MDN1: variants seen among roughly 807,000 people sequenced by gnomAD.
MDN1 encodes the protein midasin AAA ATPase 1.
MDN1 carries 266 observed loss-of-function variants against 669.2 expected under a neutral mutation model. The observed-to-expected ratio is 0.40, with a 90% CI of 0.36 to 0.44. The LOEUF is 0.44. MDN1 is among the 20% of genes least tolerant of loss of function. MDN1 has a pLI of 1.00. For synonymous variants in MDN1, 2,385 were observed against 2,457.1 expected, an observed-to-expected ratio of 0.97 and a Z score of 0.87; for missense variants, 5,940 against 6,754.0, an observed-to-expected ratio of 0.88 and a Z score of 4.22.
rs942837031 is a variant in MDN1 at position 89,706,180 on chromosome 6, T to C, written c.8027A>G (p.Tyr2676Cys). ...SFEFHQDPES[Y>C]HTLPHEIVVN... is the part of the protein sequence containing the mutation. ...CACAATTTCATGGGGCAGAGTGTGA[T>C]AGCTTTCTGGATCTGAGAGTCAACA... Residue 2676 changes from tyrosine to cysteine, a missense_variant, in exon 53 of 102, where the codon TAT becomes TGT. Tyr to Cys is a radical substitution (Grantham distance 194). Transcript: ENST00000369393. The C allele has an allele frequency of 1.1e-5, 17 of 1,611,900 alleles. No homozygotes were observed. Among genetic ancestry groups the C allele is most frequent in the Non-Finnish European group, 1.4e-5 (16 of 1,179,104 alleles).
At chr6:89,650,263 G>T in intron 96 of MDN1, 65 bp from the exon 97 acceptor site, 1 of 1,465,070 alleles carries the variant, frequency 6.8e-7, no homozygotes. Context: ...TTTTATTAAG[G>T]ACAAAAATCA....
intron 2 of MDN1, among the ~76,000 whole-genome samples, chr6:89,803,002 G>C (rs1007126929): frequency 2.0e-5 from 3 of 152,250 alleles, no homozygotes; most frequent in East Asian, 1.9e-4. Context: ...GGTGGATGCT[G>C]TAAGAGCCTC....
At position 89,746,611 on chromosome 6, in the gene MDN1, A is replaced by AAAAGAAAGAAAGAAAG. The variant is rs35724331; in HGVS notation, c.3904+702_3904+717dup. On this transcript the variant is annotated intron_variant, in intron 27 of 101. Coordinates refer to ENST00000369393, the MANE Select transcript of MDN1 (RefSeq NM_014611.3). The stretch of plus-strand genomic sequence containing the variant: ...TCTATCTCAAAAAAAAAAAAAAAAA[A>AAAAGAAAGAAAGAAAG]AAAGAAAGAAAGAAAGAAAGAAAGA... Among the ~76,000 whole-genome samples the AAAAGAAAGAAAGAAAG allele has an allele frequency of 3.8e-3, 154 of 40,530 alleles. 3 individuals are homozygous for AAAAGAAAGAAAGAAAG. The highest frequency in any genetic ancestry group is 0.013 in the African/African-American group (139 of 11,024). 26.6% of individuals were successfully genotyped at this position (40,530 alleles called of 152,430 possible). A position where few individuals can be genotyped will look rare whatever the true frequency, so the allele number is the denominator to read the frequency against.
intron 81 of MDN1, 33 bp downstream of exon 81, chr6:89,672,514 A>C (rs919441153): frequency 1.2e-6 from 2 of 1,601,690 alleles, no homozygotes; most frequent in Non-Finnish European, 1.7e-6. Context: ...TAAATCAGGC[A>C]TGAAACTAAT....
At chr6:89,676,303 A>T in intron 76 of MDN1, 96 bp from the exon 77 acceptor site, 1 of 1,019,132 alleles carries the variant, frequency 9.8e-7, no homozygotes. Flanking sequence ...GCCATAACCA[A>T]GAGTCAGCTG....
chr6:89,755,093 TA>T (rs1168925488), intron 20 of MDN1, among the ~76,000 whole-genome samples: 1 of 152,162 alleles, frequency 6.6e-6, no homozygotes, highest in Non-Finnish European at 1.5e-5. Context: ...AAGGCACTTA[TA>T]AAAGTTTACC....
Position 89,662,135 on chromosome 6 carries a change from AGCTTCT to A in MDN1, c.14511_14516del (p.Glu4838_Ala4839del), listed in dbSNP as rs753627497. 1.2e-6 allele frequency: 2 copies of A among 1,613,902 alleles called. No homozygotes were observed. Among genetic ancestry groups the A allele is most frequent in the Non-Finnish European group, 1.7e-6 (2 of 1,179,984 alleles). ...TGTCTTCACCTTGTCCACCATCATC[AGCTTCT>A]GCTTCTTCCTTTTCTTCCTTCTTAT... is the stretch of plus-strand genomic sequence containing the variant. On this transcript the variant is annotated inframe_deletion, in exon 87 of 102. Transcript: ENST00000369393.
Position 89,654,342 on chromosome 6 carries a change from C to CAA in MDN1, c.15491-10_15491-9dup, listed in dbSNP as rs1412426730. ...GTTCTTTGCTGGCCACATCTGTCAACAAAGCACGCACCCACACATAAAAAT... is the reference window on the plus strand; with the variant it reads ...GTTCTTTGCTGGCCACATCTGTCAACAAAAAGCACGCACCCACACATAAAAAT... On this transcript the variant is annotated splice_polypyrimidine_tract_variant and intron_variant, in intron 92 of 101. Transcript: ENST00000369393. 2 of 1,614,078 alleles carry CAA rather than the reference C, an allele frequency of 1.2e-6. No individual in the cohort carries two copies. The highest frequency in any genetic ancestry group is 2.2e-5 in the South Asian group (2 of 91,070).
At chr6:89,755,887 T>C (rs754804660) in intron 20 of MDN1, among the ~76,000 whole-genome samples, 21 of 152,364 alleles carry the variant, frequency 1.4e-4, no homozygotes, top group Middle Eastern at 6.8e-3. Context: ...ATCAATTATA[T>C]TAACCCTTTT....
intron 1 of MDN1, among the ~76,000 whole-genome samples, chr6:89,804,878 C>CA (rs533679048): frequency 2.0e-5 from 3 of 150,588 alleles, no homozygotes; most frequent in African/African-American, 4.9e-5. Context: ...ACTAAAAATA[C>CA]AAAAAAAATT....
intron 15 of MDN1, among the ~76,000 whole-genome samples, chr6:89,768,333 G>A (rs897436439): frequency 1.3e-5 from 2 of 152,052 alleles, no homozygotes; most frequent in African/African-American, 4.8e-5. Flanking sequence ...AGTCTCATGA[G>A]ATTAGATGGT....
chr6:89,687,583 G>T (rs1270898029), intron 67 of MDN1, 145 bp from the exon 68 acceptor site: 1 of 668,770 alleles, frequency 1.5e-6, no homozygotes, highest in Non-Finnish European at 2.5e-6. Context: ...AATTTACAGT[G>T]TATCAGCTTC....
intron 84 of MDN1, among the ~76,000 whole-genome samples, chr6:89,667,582 C>CA (rs1810345056): frequency 6.6e-6 from 1 of 151,860 alleles, no homozygotes; most frequent in East Asian, 1.9e-4. Flanking sequence ...TGATTCCAAC[C>CA]AAAAAAGGAT....
In MDN1 at chr6:89,743,563, CT is replaced by C. The variant is rs1816407778; in HGVS notation, c.4317+12del. 6.2e-7 allele frequency: 1 copy of C among 1,610,798 alleles called. No individual in the cohort carries two copies. The highest frequency in any genetic ancestry group is 8.5e-7 in the Non-Finnish European group (1 of 1,178,782). ...TTTTTTAAAATAACAGGAACACTTG[CT>C]GCTGGACAAACCTTGTCGTTTGGCT... On this transcript the variant is annotated intron_variant, in intron 30 of 101. Transcript: ENST00000369393.
chr6:89,804,717 G>A (rs1371261519), intron 1 of MDN1, among the ~76,000 whole-genome samples: 1 of 152,116 alleles, frequency 6.6e-6, no homozygotes, highest in Non-Finnish European at 1.5e-5. Flanking sequence ...GCAACACTTT[G>A]ATACGGAAGA....
intron 1 of MDN1, among the ~76,000 whole-genome samples, chr6:89,812,716 A>AGGCAACTGCTAACTGAT (rs1279978731): frequency 6.6e-6 from 1 of 151,980 alleles, no homozygotes; most frequent in African/African-American, 2.4e-5. Context: ...TAAAAGGATA[A>AGGCAACTGCTAACTGAT]CCTCAGTGTT....
intron 23 of MDN1, 190 bp downstream of exon 23, chr6:89,751,241 T>G (rs768858199): frequency 2.9e-4 from 177 of 618,852 alleles, no homozygotes; most frequent in Admixed American, 7.6e-4. Context: ...TAGTGCTCCC[T>G]CCAAAGTTGC....
At chr6:89,678,404 T>C (rs369705539) in intron 75 of MDN1, among the ~76,000 whole-genome samples, 195 bp downstream of exon 75, 2 of 152,064 alleles carry the variant, frequency 1.3e-5, no homozygotes, top group Non-Finnish European at 2.9e-5. Context: ...CGGGAAATAT[T>C]TGGGAATCAT....
intron 66 of MDN1, 67 bp from the exon 67 acceptor site, chr6:89,688,240 GAGAGTC>G: frequency 7.1e-7 from 1 of 1,409,876 alleles, no homozygotes; most frequent in South Asian, 1.2e-5. Flanking sequence ...GGGTACTGAA[GAGAGTC>G]CTGACCAGAA....
Sources: gnomAD v4.1 joint callset for allele counts (sites outside exome capture counted in the v4.1 genomes callset) on GRCh38, gnomAD v4.1.1 for gene constraint, MANE v1.5 for transcripts, NCBI Gene and HGNC (gene_info 2026-07-23, HGNC 2026-07-21) for gene names.